MIA2: variants seen among roughly 807,000 people sequenced by gnomAD.
The protein encoded by MIA2 is MIA SH3 domain ER export factor 2.
In MIA2, 127 loss-of-function variants were observed where a neutral mutation model predicts 167.8. The observed-to-expected ratio is 0.76, with a 90% CI of 0.66 to 0.88. The LOEUF is 0.88. MIA2 is among the 40% of genes least tolerant of loss of function. The pLI is 0.00. For missense variants in MIA2, 1,690 were observed against 1,624.7 expected (o/e 1.04, Z -0.69); for synonymous variants, 552 against 541.9 (o/e 1.02, Z -0.26).
chr14:39,372,166 G>A (rs2074961095), intron 23 of MIA2, among the ~76,000 whole-genome samples: 1 of 148,044 alleles, frequency 6.8e-6, no homozygotes, highest in African/African-American at 2.7e-5. Context: ...TATAAGAATG[G>A]AGTACTGTGT....
chr14:39,281,650 C>T (rs1180665732), intron 9 of MIA2, among the ~76,000 whole-genome samples: 18 of 150,094 alleles, frequency 1.2e-4, no homozygotes, highest in African/African-American at 3.4e-4. Flanking sequence ...CGGAGTTTCC[C>T]CTGTTGCCCA....
chr14:39,293,947 A>G (rs2061068496), intron 11 of MIA2, 53 bp from the exon 12 acceptor site: 1 of 1,394,992 alleles, frequency 7.2e-7, no homozygotes, highest in African/African-American at 1.4e-5. Flanking sequence ...TAAACATGGC[A>G]TTTTGGAAAC....
chr14:39,296,939 CT>C (rs2061509901), intron 13 of MIA2, among the ~76,000 whole-genome samples: 1 of 149,254 alleles, frequency 6.7e-6, no homozygotes, highest in Admixed American at 6.7e-5. Flanking sequence ...CCACGCCCGG[CT>C]AATTTTTTGT....
chr14:39,364,324 T>C (rs1242324849), intron 23 of MIA2, among the ~76,000 whole-genome samples: 3 of 151,924 alleles, frequency 2.0e-5, no homozygotes, highest in Non-Finnish European at 4.4e-5. Flanking sequence ...TCAACATCAT[T>C]GTGCCACTGC....
downstream of MIA2, among the ~76,000 whole-genome samples, chr14:39,355,585 CTG>C (rs1485444523): frequency 1.3e-5 from 2 of 152,218 alleles, no homozygotes; most frequent in African/African-American, 4.8e-5. Flanking sequence ...ACTTCGAACA[CTG>C]TGTTGAATAG....
In MIA2 at chr14:39,317,951, C is replaced by G; in HGVS notation, c.3224C>G (p.Ala1075Gly). Residue 1075 changes from alanine to glycine, a missense_variant, in exon 22 of 29, where the codon GCT becomes GGT. By Grantham distance (60) the Ala-to-Gly change is moderately conservative. Coordinates refer to ENST00000640607, the MANE Select transcript of MIA2 (RefSeq NM_001329214.4). Reference sequence around the variant, plus strand: ...TGTGTTATTTTCTTCAAGTTGGCAGCTCGGAATGCTGAAAGAAACCTCAAT... The same window carrying G: ...TGTGTTATTTTCTTCAAGTTGGCAGGTCGGAATGCTGAAAGAAACCTCAAT... ...EKKAHDNWLA[A>G]RNAERNLNDL... is the part of the protein sequence containing the mutation. The G allele has an allele frequency of 8.2e-6, 13 of 1,577,936 alleles. No homozygotes were observed. Among genetic ancestry groups the G allele is most frequent in the Non-Finnish European group, 1.1e-5 (13 of 1,165,288 alleles).
chr14:39,298,413 T>TTTTTTATATATA (rs1397878336), intron 13 of MIA2, among the ~76,000 whole-genome samples: 4 of 26,138 alleles, frequency 1.5e-4, no homozygotes, highest in African/African-American at 5.6e-4. Flanking sequence ...TGATTCTGTT[T>TTTTTTATATATA]TATATATATA....
intron 24 of MIA2, among the ~76,000 whole-genome samples, chr14:39,322,927 T>C (rs920885789): frequency 6.6e-6 from 1 of 152,308 alleles, no homozygotes; most frequent in Non-Finnish European, 1.5e-5. Flanking sequence ...CAGATTGAAT[T>C]TGAGATAGGA....
chr14:39,336,259 A>G (rs1480639454), intron 25 of MIA2, among the ~76,000 whole-genome samples: 1 of 152,136 alleles, frequency 6.6e-6, no homozygotes, highest in African/African-American at 2.4e-5. Flanking sequence ...AACCTTGGCA[A>G]CATCTGTTAT....
chr14:39,293,218 TC>T (rs2060968343), intron 10 of MIA2, 52 bp from the exon 11 acceptor site: 2 of 1,183,928 alleles, frequency 1.7e-6, no homozygotes, highest in African/African-American at 1.5e-5. Context: ...TCGTCTGATT[TC>T]CCTAATGAAA....
At chr14:39,342,703 A>C (rs986940417) in intron 25 of MIA2, among the ~76,000 whole-genome samples, 1 of 152,166 alleles carries the variant, frequency 6.6e-6, no homozygotes, top group African/African-American at 2.4e-5. Flanking sequence ...GTGTGCGTAA[A>C]TGTGTAAATA....
intron 23 of MIA2, among the ~76,000 whole-genome samples, chr14:39,361,437 GTT>G (rs71130845): frequency 9.3e-5 from 13 of 139,486 alleles, no homozygotes; most frequent in South Asian, 2.3e-4. Flanking sequence ...TAGGTGTGTG[GTT>G]TTTTTTTTTT....
chr14:39,386,607 C>CT (rs1209562079), intron 23 of MIA2: 54 of 1,033,666 alleles, frequency 5.2e-5, no homozygotes, highest in Middle Eastern at 3.0e-4. Flanking sequence ...TTTCTTTTTT[C>CT]TTTTTTTTCT....
In MIA2 at chr14:39,238,793, C is replaced by CA. The variant is rs769534317; in HGVS notation, c.250-1750dup. ...TGGGTTACAAAGTGAGACCCTGTCT[C>CA]AAAAAAAAAAAAAAAAAACCCAAAA... On this transcript the variant is annotated intron_variant, in intron 2 of 28. Coordinates refer to ENST00000640607, the MANE Select transcript of MIA2 (RefSeq NM_001329214.4). 1.2e-3 allele frequency among the ~76,000 whole-genome samples: 37 copies of CA among 30,808 alleles called. 3 individuals are homozygous for CA. The highest frequency in any genetic ancestry group is 5.3e-3 in the East Asian group (3 of 562). 20.2% of individuals were successfully genotyped at this position (30,808 alleles called of 152,430 possible).
rs777629297 is a variant in MIA2, at chr14:39,348,915, G to A, written c.4010G>A (p.Gly1337Glu). The A allele has an allele frequency of 1.9e-6, 3 of 1,614,090 alleles. No homozygotes were observed. Among genetic ancestry groups the A allele is most frequent in the South Asian group, 1.1e-5 (1 of 91,084 alleles). Reference protein sequence around the residue: ...FPPPPPGAMFGASRDYFPPGD... With the variant: ...FPPPPPGAMFEASRDYFPPGD... ...CCACCTCCTCCAGGAGCCATGTTTG[G>A]AGCTTCTCGAGATTATTTTCCACCA... The change falls in exon 28 of 29, where the codon GGA (glycine) becomes GAA (glutamate). Residue 1337 changes from glycine to glutamate, a missense_variant. Gly to Glu is a moderately conservative substitution (Grantham distance 98, BLOSUM62 -2). Coordinates refer to ENST00000640607, the MANE Select transcript of MIA2 (RefSeq NM_001329214.4).
intron 7 of MIA2, 150 bp downstream of exon 7, chr14:39,277,215 A>G (rs760897982): frequency 6.6e-6 from 7 of 1,061,096 alleles, no homozygotes; most frequent in African/African-American, 1.6e-5. Flanking sequence ...GTTTTTTTTA[A>G]AAGAGATGAG....
At chr14:39,263,518 A>G (rs2152660146) in intron 6 of MIA2, among the ~76,000 whole-genome samples, 1 of 151,494 alleles carries the variant, frequency 6.6e-6, no homozygotes, top group Non-Finnish European at 1.5e-5. Flanking sequence ...TACAGGCTTG[A>G]GCCATCATGC....
chr14:39,247,010 GA>G lies in MIA2; in HGVS notation c.438del (p.Asp147IlefsTer15). ...TGGTGAAAATATATATCCTTATGAA[GA>G]AGATAAAGATGAAAAATCTAGTATA... ...DYGENIYPYE[E>X]DKDEKSSIYE... On this transcript the variant is annotated frameshift_variant, in exon 4 of 29. Coordinates refer to ENST00000640607, the MANE Select transcript of MIA2 (RefSeq NM_001329214.4). LOFTEE classifies it high-confidence loss of function. The G allele has an allele frequency of 6.3e-7, 1 of 1,586,638 alleles. No individual in the cohort carries two copies.
chr14:39,284,308 A>G (rs2059334442), intron 9 of MIA2, among the ~76,000 whole-genome samples: 1 of 152,094 alleles, frequency 6.6e-6, no homozygotes, highest in Admixed American at 6.6e-5. Flanking sequence ...TATTGATGAG[A>G]CTATTCTTTC....
Sources: allele counts gnomAD v4.1 joint callset (sites outside exome capture counted in the v4.1 genomes callset), GRCh38; gene constraint gnomAD v4.1.1; transcripts MANE v1.5; gene names NCBI Gene and HGNC (gene_info 2026-07-23, HGNC 2026-07-21).